ABCA10: variants seen among roughly 807,000 people sequenced by gnomAD.
ABCA10 encodes ATP binding cassette subfamily A member 10, also known as ATP-binding cassette sub-family A member 10.
In ABCA10, 169 loss-of-function variants were observed where a neutral mutation model predicts 187.5. The ratio of observed to expected loss-of-function variants is 0.90; its 90% CI spans 0.80 to 1.02. The LOEUF (loss-of-function observed/expected upper bound fraction) is 1.02, where lower values mean the gene tolerates loss of function less well. Among genes scored for constraint, ABCA10 ranks in the 50% least tolerant of loss-of-function variants. The probability of loss-of-function intolerance (pLI) is 0.00; values close to 1 mark genes in which losing one functional copy is unlikely to be tolerated. For missense variants in ABCA10, 1,727 were observed against 1,812.4 expected (o/e 0.95, Z 0.86); for synonymous variants, 574 against 601.8 (o/e 0.95, Z 0.68).
Position 69,148,563 on chromosome 17 carries a change from G to T in ABCA10, c.*264C>A. 1 of 317,874 alleles carries T rather than the reference G, an allele frequency of 3.1e-6. No homozygotes were observed. Among genetic ancestry groups the T allele is most frequent in the Non-Finnish European group, 5.8e-6 (1 of 173,134 alleles). The allele number at this position is 317,874 out of a possible 1,614,324, so 19.7% of individuals were successfully genotyped here. On this transcript the variant is annotated 3_prime_UTR_variant, in exon 39 of 39. Transcript: ENST00000690296. ...ACCGATAACCAACCTAATATTGTAT[G>T]ATTTTTAAATTATTTTTAAGCACAA...
At chr17:69,216,415 T>C in intron 6 of ABCA10, 57 bp from the exon 7 acceptor site, 4 of 1,539,182 alleles carry the variant, frequency 2.6e-6, no homozygotes, top group Non-Finnish European at 3.5e-6. Context: ...TTTGGAGAGG[T>C]AATGTGCGAA....
chr17:69,193,663 GTT>G, intron 13 of ABCA10, 51 bp from the exon 14 acceptor site: 1 of 1,552,012 alleles, frequency 6.4e-7, no homozygotes, highest in South Asian at 1.2e-5. Flanking sequence ...ACTTTAAGGA[GTT>G]TTTACTCTCT....
In ABCA10 at chr17:69,195,357, T is replaced by C. The variant is rs188845766; in HGVS notation, c.1235-862A>G. Among the ~76,000 whole-genome samples the C allele has an allele frequency of 4.0e-3, 610 of 151,950 alleles. 5 individuals carry two copies. Among genetic ancestry groups the C allele is most frequent in the African/African-American group, 0.014 (562 of 41,504 alleles). On this transcript the variant is annotated intron_variant, in intron 11 of 38. Coordinates refer to ENST00000690296, the MANE Select transcript of ABCA10 (RefSeq NM_001377321.1). ...CGGTATAAACAGTGTATTCCTATTG[T>C]TGAAAAAATATTTTATATATAAATG...
At chr17:69,155,648 G>A (rs1001753782) in intron 29 of ABCA10, among the ~76,000 whole-genome samples, 157 bp downstream of exon 29, 1 of 152,108 alleles carries the variant, frequency 6.6e-6, no homozygotes, top group African/African-American at 2.4e-5. Context: ...AATGAGGACA[G>A]GGTAGTTACT....
intron 25 of ABCA10, among the ~76,000 whole-genome samples, chr17:69,173,114 C>A (rs1391805576): frequency 6.6e-6 from 1 of 152,070 alleles, no homozygotes; most frequent in Non-Finnish European, 1.5e-5. Context: ...GACAAGCCTA[C>A]CTTTACAATG....
Position 69,185,531 on chromosome 17 carries a change from G to C in ABCA10, c.2443C>G (p.Leu815Val), listed in dbSNP as rs574939972. 5.0e-6 allele frequency: 8 copies of C among 1,613,610 alleles called. No individual in the cohort carries two copies. Among genetic ancestry groups the C allele is most frequent in the African/African-American group, 2.7e-5 (2 of 74,968 alleles). Residue 815 changes from leucine to valine, a missense_variant, in exon 20 of 39, where the codon CTG becomes GTG. Transcript: ENST00000690296. ...AGAGGCGTCTTCGGGATTTGTTCCA[G>C]AGAAAGGAAATACATACTGGGTGAA... ...EFSPSMYFLS[L>V]EQIPKTPLTS...
In ABCA10 at chr17:69,193,507, A is replaced by G. The variant is rs1326697440; in HGVS notation, c.1627T>C (p.Leu543=). The change falls in exon 14 of 39, where the codon TTA becomes CTA. Residue 543 remains leucine, a synonymous_variant. Transcript: ENST00000690296. ...TTTTCTCTCACCTGAGGATCTCCTA[A>G]GATGGCAATCCCTAGTGTTAGTTTT... The part of the protein sequence containing the change: ...KRKLTLGIAI[L]GDPQVLLLDE... The G allele has an allele frequency of 1.2e-6, 2 of 1,613,184 alleles. No individual in the cohort carries two copies. The highest frequency in any genetic ancestry group is 2.2e-5 in the South Asian group (2 of 90,788).
At chr17:69,193,289 A>T in intron 14 of ABCA10, 41 bp from the exon 15 acceptor site, 1 of 1,597,814 alleles carries the variant, frequency 6.3e-7, no homozygotes, top group African/African-American at 1.3e-5. Context: ...TCCTCTTCAC[A>T]GTGAGGATCT....
chr17:69,211,593 T>C (rs1243081027), intron 9 of ABCA10, among the ~76,000 whole-genome samples: 2 of 151,746 alleles, frequency 1.3e-5, no homozygotes, highest in East Asian at 3.9e-4. Context: ...AATTCAGCTA[T>C]GAATCCATCT....
At chr17:69,233,927 C>G (rs2074847507) in intron 1 of ABCA10, 1 of 152,198 alleles carries the variant, frequency 6.6e-6, no homozygotes, top group East Asian at 1.9e-4. Context: ...TGGCCAGAAA[C>G]CTAAACCCAG....
chr17:69,187,618 T>C (rs1055390452), intron 19 of ABCA10, 63 bp downstream of exon 19: 26 of 1,454,660 alleles, frequency 1.8e-5, no homozygotes, highest in Non-Finnish European at 2.3e-5. Context: ...ATATTTACTT[T>C]CTTAATATTT....
chr17:69,190,157 C>T (rs1030167411), intron 18 of ABCA10, among the ~76,000 whole-genome samples: 7 of 151,954 alleles, frequency 4.6e-5, no homozygotes, highest in Non-Finnish European at 1.0e-4. Context: ...TTGCCTAGCA[C>T]CAAGGCTGAT....
rs757958317 is a variant in ABCA10 at position 69,193,490 on chromosome 17, C to A, written c.1641+3G>T. 1.9e-6 allele frequency: 3 copies of A among 1,606,994 alleles called. No homozygotes were observed. Among genetic ancestry groups the A allele is most frequent in the Admixed American group, 1.7e-5 (1 of 58,388 alleles). On this transcript the variant is annotated splice_donor_region_variant and intron_variant, in intron 14 of 38. Transcript: ENST00000690296. ...AATTGTAAAAATATATTTTTTCTCT[C>A]ACCTGAGGATCTCCTAAGATGGCAA...
Position 69,174,264 on chromosome 17 carries a change from C to T in ABCA10, c.3162+17G>A. 6.6e-7 allele frequency: 1 copy of T among 1,508,460 alleles called. No homozygotes were observed. Among genetic ancestry groups the T allele is most frequent in the Non-Finnish European group, 9.0e-7 (1 of 1,107,716 alleles). The allele number at this position is 1,508,460 out of a possible 1,614,324, so 93.4% of individuals were successfully genotyped here. Reference sequence around the variant, plus strand: ...AGGAAATTTAATATAAATGTGCACGCATGTATATATACTTACAATAAAAAA... The same window carrying T: ...AGGAAATTTAATATAAATGTGCACGTATGTATATATACTTACAATAAAAAA... On this transcript the variant is annotated intron_variant, in intron 25 of 38. Coordinates refer to ENST00000690296, the MANE Select transcript of ABCA10 (RefSeq NM_001377321.1).
intron 10 of ABCA10, 131 bp from the exon 11 acceptor site, chr17:69,197,253 A>C: frequency 3.1e-6 from 2 of 643,538 alleles, no homozygotes; most frequent in Non-Finnish European, 2.6e-6. Flanking sequence ...GAGGGCAGTA[A>C]TAAAAGCCCT....
At position 69,156,923 on chromosome 17, in the gene ABCA10, G is replaced by C. The variant is rs564645270; in HGVS notation, c.3364C>G (p.Pro1122Ala). The C allele has an allele frequency of 3.0e-5, 46 of 1,551,166 alleles. No individual in the cohort carries two copies. In the South Asian group the frequency reaches 4.7e-4, roughly 16 times the overall value. Residue 1122 changes from proline to alanine, a missense_variant and splice_region_variant, in exon 28 of 39, where the codon CCA (proline) becomes GCA (alanine). Physicochemically the swap from Pro to Ala is conservative, Grantham distance 27. Coordinates refer to ENST00000690296, the MANE Select transcript of ABCA10 (RefSeq NM_001377321.1). Reference protein sequence around the residue: ...NKTILLTTLIPYLQSVIFLFV... With the variant: ...NKTILLTTLIAYLQSVIFLFV... Reference sequence around the variant, plus strand: ...AGGAAAATAACACTCTGAAGGTATGGCTAAAAGAAAAGAAAAATAATCAGA... The same window carrying C: ...AGGAAAATAACACTCTGAAGGTATGCCTAAAAGAAAAGAAAAATAATCAGA...
At chr17:69,209,853 T>C (rs917136831) in intron 9 of ABCA10, among the ~76,000 whole-genome samples, 4 of 152,152 alleles carry the variant, frequency 2.6e-5, no homozygotes, top group Admixed American at 1.3e-4. Context: ...CTGTAGGAAA[T>C]TGTAAGACAA....
intron 27 of ABCA10, among the ~76,000 whole-genome samples, chr17:69,161,889 T>TA (rs2074221108): frequency 1.3e-5 from 2 of 152,166 alleles, no homozygotes; most frequent in African/African-American, 4.8e-5. Flanking sequence ...ATTAGCAACT[T>TA]ACAGATGGTT....
rs1318437357 is a variant in ABCA10 at position 69,201,483 on chromosome 17, T to C, written c.1175+17A>G. 9 of 1,554,958 alleles carry C rather than the reference T, an allele frequency of 5.8e-6. No individual in the cohort carries two copies. The highest frequency in any genetic ancestry group is 6.1e-6 in the Non-Finnish European group (7 of 1,155,822). On this transcript the variant is annotated intron_variant, in intron 10 of 38. Coordinates refer to ENST00000690296, the MANE Select transcript of ABCA10 (RefSeq NM_001377321.1). ...TTTTACCTATAAGTGTACATAGTCA[T>C]GTAATTTCTTAGTTACCTTATGGCT... is the stretch of plus-strand genomic sequence containing the variant.
Sources: allele counts gnomAD v4.1 joint callset (sites outside exome capture counted in the v4.1 genomes callset), GRCh38; gene constraint gnomAD v4.1.1; transcripts MANE v1.5; gene names NCBI Gene and HGNC (gene_info 2026-07-23, HGNC 2026-07-21).